FGF14: variants seen among roughly 807,000 people sequenced by gnomAD.
FGF14 encodes the protein fibroblast growth factor homologous factor 4.
FGF14 carries 5 observed loss-of-function variants against 25.5 expected under a neutral mutation model. The observed-to-expected ratio is 0.20, with a 90% CI of 0.10 to 0.41. FGF14 has a LOEUF of 0.41. Among genes scored for constraint, FGF14 ranks in the 10% least tolerant of loss-of-function variants. The pLI, the probability that FGF14 is intolerant of heterozygous loss-of-function variation, is 1.00. For synonymous variants in FGF14, 138 were observed against 118.3 expected, an observed-to-expected ratio of 1.17 and a Z score of -1.08; for missense variants, 222 against 320.1, an observed-to-expected ratio of 0.69 and a Z score of 2.34.
At chr13:101,832,297 C>T (rs1365969820) in intron 3 of FGF14, among the ~76,000 whole-genome samples, 1 of 152,032 alleles carries the variant, frequency 6.6e-6, no homozygotes, top group Non-Finnish European at 1.5e-5. Flanking sequence ...TTGATTTGAA[C>T]AGACTGAAAC....
At chr13:101,806,190 G>A (rs535151187) in intron 3 of FGF14, among the ~76,000 whole-genome samples, 26 of 151,982 alleles carry the variant, frequency 1.7e-4, no homozygotes, top group Middle Eastern at 3.4e-3. Flanking sequence ...GGGAACCCTA[G>A]GTGGGTGGAT....
intron 1 of FGF14, 109 bp downstream of exon 1, chr13:101,916,344 G>C: frequency 1.5e-6 from 2 of 1,357,824 alleles, no homozygotes; most frequent in Non-Finnish European, 2.1e-6. Context: ...GGGAGGCCGG[G>C]GCCGGGGTGG....
intron 1 of FGF14, among the ~76,000 whole-genome samples, chr13:101,890,924 C>G (rs1173718580): frequency 1.3e-5 from 2 of 151,908 alleles, no homozygotes; most frequent in African/African-American, 4.8e-5. Context: ...CTTTCAAGAG[C>G]CTTTTTTTTT....
chr13:102,151,614 T>C (rs1310313314), intron 1 of FGF14, among the ~76,000 whole-genome samples: 1 of 152,164 alleles, frequency 6.6e-6, no homozygotes, highest in Admixed American at 6.5e-5. Flanking sequence ...TTGTCCTGCC[T>C]TAGCCTCCAG....
chr13:101,903,731 G>A (rs1403606203), intron 1 of FGF14, among the ~76,000 whole-genome samples: 1 of 152,172 alleles, frequency 6.6e-6, no homozygotes, highest in Non-Finnish European at 1.5e-5. Flanking sequence ...GCAGCTAACA[G>A]GAAGCATGGA....
At chr13:102,213,867 C>CT (rs1019810287) in intron 1 of FGF14, among the ~76,000 whole-genome samples, 1 of 152,152 alleles carries the variant, frequency 6.6e-6, no homozygotes, top group African/African-American at 2.4e-5. Context: ...TTCCTGTCTC[C>CT]TTTAACTAGG....
At chr13:101,912,983 A>T (rs2033103816) in intron 1 of FGF14, among the ~76,000 whole-genome samples, 1 of 152,148 alleles carries the variant, frequency 6.6e-6, no homozygotes, top group African/African-American at 2.4e-5. Flanking sequence ...CTGAATATGT[A>T]TACTTAATTA....
chr13:102,096,364 G>C (rs1391096725), intron 1 of FGF14, among the ~76,000 whole-genome samples: 5 of 151,894 alleles, frequency 3.3e-5, no homozygotes, highest in Admixed American at 3.3e-4. Context: ...CCAATGTCCT[G>C]GTATGCCAAG....
chr13:102,028,932 C>T (rs1011937916), intron 1 of FGF14, among the ~76,000 whole-genome samples: 1 of 152,012 alleles, frequency 6.6e-6, no homozygotes, highest in Non-Finnish European at 1.5e-5. Context: ...TTAGAATGTG[C>T]CTTTTCTCTC....
intron 3 of FGF14, among the ~76,000 whole-genome samples, chr13:101,818,667 G>T (rs910807707): frequency 1.2e-4 from 18 of 152,106 alleles, no homozygotes; most frequent in South Asian, 4.1e-4. Context: ...ATTACAACCT[G>T]CCAGTAATGT....
chr13:102,094,788 C>G (rs1426698827), intron 1 of FGF14, among the ~76,000 whole-genome samples: 2 of 152,064 alleles, frequency 1.3e-5, no homozygotes, highest in Non-Finnish European at 2.9e-5. Flanking sequence ...CAGGAAGTAC[C>G]TCATCAATAA....
At chr13:102,218,228 T>C (rs1351129079) in intron 1 of FGF14, among the ~76,000 whole-genome samples, 2 of 151,822 alleles carry the variant, frequency 1.3e-5, no homozygotes, top group Non-Finnish European at 2.9e-5. Context: ...TCTGCTTGAA[T>C]AAAAAGCCCT....
intron 1 of FGF14, among the ~76,000 whole-genome samples, chr13:102,143,920 A>G (rs2046749048): frequency 6.6e-6 from 1 of 152,168 alleles, no homozygotes; most frequent in Non-Finnish European, 1.5e-5. Flanking sequence ...CTAAGTTACC[A>G]ATATTATTAT....
At chr13:101,818,767 G>A (rs1489488270) in intron 3 of FGF14, among the ~76,000 whole-genome samples, 1 of 152,078 alleles carries the variant, frequency 6.6e-6, no homozygotes, top group Non-Finnish European at 1.5e-5. Flanking sequence ...ATAAACAAAG[G>A]TCTATTTCAC....
At chr13:101,926,040 G>T (rs2034339015) in intron 1 of FGF14, among the ~76,000 whole-genome samples, 1 of 152,092 alleles carries the variant, frequency 6.6e-6, no homozygotes, top group South Asian at 2.1e-4. Flanking sequence ...ATTTCACTGG[G>T]CCCACCCAAT....
At chr13:102,026,886 G>A (rs1381545298) in intron 1 of FGF14, among the ~76,000 whole-genome samples, 2 of 151,876 alleles carry the variant, frequency 1.3e-5, no homozygotes, top group Admixed American at 1.3e-4. Context: ...ACTTAGAATT[G>A]AACCCAGTGA....
Position 102,284,821 on chromosome 13 carries a change from T to C in FGF14, c.208+116650A>G, listed in dbSNP as rs368014367. Among the ~76,000 whole-genome samples the C allele has an allele frequency of 5.9e-5, 9 of 152,128 alleles. No homozygotes were observed. The East Asian group carries it at 1.5e-3, about 26-fold the overall frequency. The stretch of plus-strand genomic sequence containing the variant: ...TTTTACCGAGGAGTAAAGAAGACCC[T>C]AAATAATTAATATAATCATTGGTTC... On this transcript the variant is annotated intron_variant, in intron 1 of 4. Transcript: ENST00000376131.
At chr13:101,870,023 C>G (rs1003491505) in intron 2 of FGF14, among the ~76,000 whole-genome samples, 1 of 152,072 alleles carries the variant, frequency 6.6e-6, no homozygotes, top group African/African-American at 2.4e-5. Context: ...AAACCTCAGG[C>G]CAGAGCCATG....
intron 1 of FGF14, among the ~76,000 whole-genome samples, chr13:102,198,959 C>T (rs2049492573): frequency 6.6e-6 from 1 of 152,160 alleles, no homozygotes; most frequent in Non-Finnish European, 1.5e-5. Flanking sequence ...CTCAGTGAAA[C>T]CCCCAATATC....
Sources: allele counts gnomAD v4.1 joint callset (sites outside exome capture counted in the v4.1 genomes callset), GRCh38; gene constraint gnomAD v4.1.1; transcripts MANE v1.5; gene names NCBI Gene and HGNC (gene_info 2026-07-23, HGNC 2026-07-21).